The following CRTC1 variants were observed in gnomAD, a reference collection of about 807,000 sequenced individuals.
CRTC1 encodes CREB regulated transcription coactivator 1, also known as CREB-regulated transcription coactivator 1.
In CRTC1, 18 loss-of-function variants were observed where a neutral mutation model predicts 66.1. That is an observed-to-expected ratio of 0.27 (90% confidence interval 0.19 to 0.40). CRTC1 has a LOEUF of 0.40. Ranked by LOEUF, CRTC1 falls within the 10% of genes least tolerant of loss-of-function variation. The probability of loss-of-function intolerance (pLI) is 1.00; values close to 1 mark genes in which losing one functional copy is unlikely to be tolerated. For synonymous variants in CRTC1, 416 were observed against 398.8 expected, an observed-to-expected ratio of 1.04 and a Z score of -0.51; for missense variants, 669 against 887.9, an observed-to-expected ratio of 0.75 and a Z score of 3.13.
In CRTC1 at chr19:18,771,183, G is replaced by C. The variant is rs2054859221; in HGVS notation, c.1321-259G>C. Among the ~76,000 whole-genome samples the C allele has an allele frequency of 6.6e-6, 1 of 152,160 alleles. No homozygotes were observed. Among genetic ancestry groups the C allele is most frequent in the African/African-American group, 2.4e-5 (1 of 41,424 alleles). On this transcript the variant is annotated intron_variant, in intron 10 of 13. Transcript: ENST00000321949. The surrounding 1 kb of genome is among the most constrained non-coding windows in gnomAD (Gnocchi z 4.6). ...CCAACCCTCTGATCACCCTCCTGTA[G>C]CTCCAAGAAGGAGGGCAGTTATTCA... is the stretch of plus-strand genomic sequence containing the variant.
intron 13 of CRTC1, among the ~76,000 whole-genome samples, 167 bp downstream of exon 13, chr19:18,775,988 T>C (rs1190784329): frequency 1.3e-5 from 2 of 149,994 alleles, no homozygotes; most frequent in Non-Finnish European, 3.0e-5. Context: ...TGAATTTGAC[T>C]CACTCCTGGG....
rs1488083630 is a variant in CRTC1 at position 18,743,010 on chromosome 19, T to C, written c.227T>C (p.Met76Thr). The C allele has an allele frequency of 2.5e-6, 4 of 1,612,690 alleles. No individual in the cohort carries two copies. Among genetic ancestry groups the C allele is most frequent in the South Asian group, 1.1e-5 (1 of 91,072 alleles). Reference protein sequence around the residue: ...PNVNQIGSGTMDLPFQTPFQS... With the variant: ...PNVNQIGSGTTDLPFQTPFQS... ...GTGAACCAGATCGGGAGTGGCACCA[T>C]GGACCTGCCCTTCCAGGTGAGTGCC... is the stretch of plus-strand genomic sequence containing the variant. The change falls in exon 2 of 14, where the codon ATG becomes ACG. Residue 76 changes from methionine (M) to threonine (T), a missense_variant. Physicochemically the swap from Met to Thr is moderately conservative, Grantham distance 81. Transcript: ENST00000321949.
intron 1 of CRTC1, among the ~76,000 whole-genome samples, chr19:18,698,532 G>A (rs116441144): frequency 0.011 from 1,637 of 151,498 alleles, 30 homozygotes; most frequent in African/African-American, 0.037. Flanking sequence ...CAGGCACAGT[G>A]TGTACTCAGC....
At position 18,683,726 on chromosome 19, in the gene CRTC1, G is replaced by A; in HGVS notation, c.24G>A (p.Arg8=). MATSNNP[R]KFSEKIALHN... ...AGATGGCGACTTCGAACAATCCGCG[G>A]AAATTCAGCGAGAAGATCGCGCTGC... Residue 8 remains arginine (R), a synonymous_variant, in exon 1 of 14, where the codon CGG becomes CGA. Coordinates refer to ENST00000321949, the MANE Select transcript of CRTC1 (RefSeq NM_015321.3). 7.1e-7 allele frequency: 1 copy of A among 1,407,420 alleles called. No individual in the cohort carries two copies. Among genetic ancestry groups the A allele is most frequent in the Non-Finnish European group, 9.5e-7 (1 of 1,056,778 alleles). 87.2% of individuals were successfully genotyped at this position (1,407,420 alleles called of 1,614,324 possible).
intron 1 of CRTC1, among the ~76,000 whole-genome samples, chr19:18,691,467 G>C (rs376199672): frequency 2.1e-5 from 3 of 146,194 alleles, no homozygotes; most frequent in South Asian, 4.3e-4. Context: ...GCTGTGGTGA[G>C]CCATGATTGT....
Position 18,753,573 on chromosome 19 carries a change from G to T in CRTC1, c.612G>T (p.Trp204Cys). The change falls in exon 6 of 14, where the codon TGG becomes TGT. Residue 204 changes from tryptophan (W) to cysteine (C), a missense_variant. Physicochemically the swap from Trp to Cys is radical, Grantham distance 215 (BLOSUM62 -2). Transcript: ENST00000321949. ...EADKNLSKQA[W>C]DTKKTGSRPK... ...ACAAAAACCTTTCCAAGCAAGCATG[G>T]GACACCAAGAAGGTAAGAGCCTATG... The T allele has an allele frequency of 6.2e-7, 1 of 1,610,780 alleles. No homozygotes were observed. Among genetic ancestry groups the T allele is most frequent in the South Asian group, 1.1e-5 (1 of 90,718 alleles).
chr19:18,730,209 C>T (rs758792852), intron 1 of CRTC1, among the ~76,000 whole-genome samples: 76 of 152,164 alleles, frequency 5.0e-4, no homozygotes, highest in Admixed American at 1.6e-3. Context: ...CTCAGCAGCC[C>T]TTACGAGGTA....
intron 5 of CRTC1, among the ~76,000 whole-genome samples, chr19:18,752,480 G>A (rs906489774): frequency 1.3e-5 from 2 of 151,890 alleles, no homozygotes; most frequent in African/African-American, 2.4e-5. Context: ...CACCACACCC[G>A]GCCAACTTTC....
Position 18,742,869 on chromosome 19 carries a change from G to A in CRTC1, c.127-41G>A, listed in dbSNP as rs375809198. On this transcript the variant is annotated intron_variant, in intron 1 of 13. Transcript: ENST00000321949. ...GGGCTGGCACTCTGAGGTGAGCCTGGGAGGTGACCCCTCCCGCAGCTGCTG... is the reference window on the plus strand; with the variant it reads ...GGGCTGGCACTCTGAGGTGAGCCTGAGAGGTGACCCCTCCCGCAGCTGCTG... 1.6e-5 allele frequency: 23 copies of A among 1,464,058 alleles called. No homozygotes were observed. In the African/African-American group the frequency reaches 2.4e-4, roughly 15 times the overall value. The allele number at this position is 1,464,058 out of a possible 1,614,324, so 90.7% of individuals were successfully genotyped here. A position where few individuals can be genotyped will look rare whatever the true frequency, so the allele number is the denominator to read the frequency against.
chr19:18,775,427 C>A (rs144212412), intron 12 of CRTC1, among the ~76,000 whole-genome samples: 1 of 152,260 alleles, frequency 6.6e-6, no homozygotes, highest in East Asian at 1.9e-4. Context: ...TTTGCTCATC[C>A]ATTCATCCAT....
chr19:18,742,975 C>A lies in CRTC1; in HGVS notation c.192C>A (p.Ser64=), dbSNP rs560753245. ...GPSRGQYYGG[S]LPNVNQIGSG... ...GCCGAGGCCAGTACTATGGCGGGTC[C>A]CTGCCCAACGTGAACCAGATCGGGA... The change falls in exon 2 of 14, where the codon TCC becomes TCA. Residue 64 remains serine, a synonymous_variant. Transcript: ENST00000321949. The A allele has an allele frequency of 1.8e-4, 288 of 1,613,268 alleles. 1 individual carries two copies. The South Asian group carries it at 3.1e-3, about 17-fold the overall frequency.
At position 18,777,462 on chromosome 19, in the gene CRTC1, C is replaced by T; in HGVS notation, c.*80C>T. 1 of 1,309,134 alleles carries T rather than the reference C, an allele frequency of 7.6e-7. No individual in the cohort carries two copies. The highest frequency in any genetic ancestry group is 2.3e-5 in the East Asian group (1 of 43,244). The allele number at this position is 1,309,134 out of a possible 1,614,324, so 81.1% of individuals were successfully genotyped here. A position where few individuals can be genotyped will look rare whatever the true frequency, so the allele number is the denominator to read the frequency against. The stretch of plus-strand genomic sequence containing the variant: ...GGGGACGGCCGTGCTCCGTCCCTCG[C>T]CAACGGCCGAGCTTGTGATTCTGAG... On this transcript the variant is annotated 3_prime_UTR_variant, in exon 14 of 14. Transcript: ENST00000321949. This position sits in a 1 kb window ranked among gnomAD's most constrained non-coding sequence, Gnocchi z 5.5.
At chr19:18,705,183 A>G (rs1160776925) in intron 1 of CRTC1, among the ~76,000 whole-genome samples, 1 of 152,004 alleles carries the variant, frequency 6.6e-6, no homozygotes, top group Non-Finnish European at 1.5e-5. Flanking sequence ...TCATCTGTTG[A>G]TGGACATTTG....
At chr19:18,775,360 G>C (rs1601024453) in intron 12 of CRTC1, among the ~76,000 whole-genome samples, 2 of 152,350 alleles carry the variant, frequency 1.3e-5, no homozygotes, top group East Asian at 3.9e-4. Context: ...GCTTTGCGTG[G>C]AGGCCAGGAT....
At position 18,777,360 on chromosome 19, in the gene CRTC1, C is replaced by A. The variant is rs2055013590; in HGVS notation, c.1883C>A (p.Thr628Asn). ...CTGGCCGACCCAGCCACCGAGGACA[C>A]CTTCCGGATGGACCGCCTGTGAGCG... ...MVLADPATED[T>N]FRMDRL The change falls in exon 14 of 14, where the codon ACC becomes AAC. Residue 628 changes from threonine to asparagine, a missense_variant. By Grantham distance (65) the Thr-to-Asn change is moderately conservative (BLOSUM62 0). This residue lies in a region of CRTC1 where 91 missense variants were observed against 99.1 expected (regional missense o/e 0.92). Coordinates refer to ENST00000321949, the MANE Select transcript of CRTC1 (RefSeq NM_015321.3). This position sits in a 1 kb window ranked among gnomAD's most constrained non-coding sequence, Gnocchi z 5.5. 6.2e-7 allele frequency: 1 copy of A among 1,605,064 alleles called. No homozygotes were observed. Among genetic ancestry groups the A allele is most frequent in the Admixed American group, 1.7e-5 (1 of 60,006 alleles).
rs190979608 is a variant in CRTC1 at position 18,780,151 on chromosome 19, C to T, written c.*2769C>T. Reference sequence around the variant, plus strand: ...GCAGGCCCACGTGGGGAGGTTGCGCCGTGTACATAGACCCGCCGTCTGTGT... The same window carrying T: ...GCAGGCCCACGTGGGGAGGTTGCGCTGTGTACATAGACCCGCCGTCTGTGT... On this transcript the variant is annotated 3_prime_UTR_variant, in exon 14 of 14. Coordinates refer to ENST00000321949, the MANE Select transcript of CRTC1 (RefSeq NM_015321.3). The T allele has an allele frequency of 8.6e-5, 20 of 232,018 alleles. No individual in the cohort carries two copies. The highest frequency in any genetic ancestry group is 5.4e-4 in the South Asian group (3 of 5,520). The allele number at this position is 232,018 out of a possible 1,614,324, so 14.4% of individuals were successfully genotyped here.
intron 1 of CRTC1, among the ~76,000 whole-genome samples, chr19:18,727,580 C>CATAAAAAAAAAAA: frequency 1.9e-5 from 1 of 51,814 alleles, no homozygotes; most frequent in Non-Finnish European, 3.4e-5. Context: ...GACTCTGTCT[C>CATAAAAAAAAAAA]AAAAAAAAAA....
intron 1 of CRTC1, among the ~76,000 whole-genome samples, chr19:18,692,088 C>T (rs1408702371): frequency 2.0e-5 from 3 of 152,158 alleles, no homozygotes; most frequent in Admixed American, 1.3e-4. Context: ...ACCCTGTGGT[C>T]CTGATCCTCC....
At chr19:18,764,207 C>T (rs2145823333) in intron 8 of CRTC1, among the ~76,000 whole-genome samples, 1 of 152,368 alleles carries the variant, frequency 6.6e-6, no homozygotes, top group East Asian at 1.9e-4. Context: ...GCCGTCTCAT[C>T]TGCCGGAACA....
Sources: allele counts gnomAD v4.1 joint callset (sites outside exome capture counted in the v4.1 genomes callset), GRCh38; gene constraint gnomAD v4.1.1; regional missense constraint gnomAD v4.1.1; non-coding constraint Gnocchi (gnomAD v3.1); transcripts MANE v1.5; gene names NCBI Gene and HGNC (gene_info 2026-07-23, HGNC 2026-07-21).